The following PNMT variants were observed in gnomAD, a reference collection of about 807,000 sequenced individuals.
The protein encoded by PNMT is phenylethanolamine N-methyltransferase.
Under a neutral mutation model 18.9 loss-of-function variants are expected in PNMT, and 18 were observed. That is an observed-to-expected ratio of 0.95 (90% CI 0.66 to 1.41). The LOEUF is 1.41. Ranked by LOEUF, PNMT falls within the 40% of genes most tolerant of loss-of-function variation. The probability of loss-of-function intolerance (pLI) is 0.00; values close to 1 mark genes in which losing one functional copy is unlikely to be tolerated. For missense variants in PNMT, 378 were observed against 387.0 expected, an observed-to-expected ratio of 0.98 and a Z score of 0.20; for synonymous variants, 167 against 168.6, an observed-to-expected ratio of 0.99 and a Z score of 0.08.
Position 39,668,574 on chromosome 17 carries a change from C to T in PNMT, c.99C>T (p.Arg33=). ...VASAYQRFEP[R]AYLRNNYAPP... is the part of the protein sequence containing the mutation. ...CGGCCTACCAGCGCTTCGAGCCGCG[C>T]GCCTACCTCCGCAACAACTACGCGC... The change falls in exon 1 of 3, where the codon CGC becomes CGT. Residue 33 remains arginine, a synonymous_variant. Coordinates refer to ENST00000269582, the MANE Select transcript of PNMT (RefSeq NM_002686.4). 1.9e-6 allele frequency: 3 copies of T among 1,592,592 alleles called. No individual in the cohort carries two copies. The highest frequency in any genetic ancestry group is 2.6e-6 in the Non-Finnish European group (3 of 1,175,268).
chr17:39,670,031 CCCTGGGTGCTGGGAGCCCAGCT>C lies in PNMT; in HGVS notation c.494_515del (p.Leu165ProfsTer16), dbSNP rs1411147711. On this transcript the variant is annotated frameshift_variant, in exon 3 of 3. Coordinates refer to ENST00000269582, the MANE Select transcript of PNMT (RefSeq NM_002686.4). LOFTEE classifies it high-confidence loss of function. Reference sequence around the variant, plus strand: ...CCCATCGACGTGCACCAGCCCCAGCCCCTGGGTGCTGGGAGCCCAGCTCCCCTGCCTGCTGACGCCCTGGTCT... The same window carrying C: ...CCCATCGACGTGCACCAGCCCCAGCCCCCCTGCCTGCTGACGCCCTGGTCT... 2 of 1,605,840 alleles carry C rather than the reference CCCTGGGTGCTGGGAGCCCAGCT, an allele frequency of 1.2e-6. No homozygotes were observed. Among genetic ancestry groups the C allele is most frequent in the Non-Finnish European group, 1.7e-6 (2 of 1,179,674 alleles).
chr17:39,668,039 A>G, upstream of PNMT: 1 of 161,938 alleles, frequency 6.2e-6, no homozygotes, highest in Non-Finnish European at 1.3e-5. Context: ...TCGAATCAGG[A>G]AAGAGAAGGG....
chr17:39,670,377 G>A lies in PNMT; in HGVS notation c.837G>A (p.Lys279=), dbSNP rs1264594040. ...VKGVFFAWAQ[K]VGL is the part of the protein sequence containing the mutation. ...GCGTCTTCTTCGCCTGGGCTCAGAA[G>A]GTTGGGCTGTGAGGGCTGTACCTGG... Residue 279 remains lysine (K), a synonymous_variant, in exon 3 of 3, where the codon AAG becomes AAA. Coordinates refer to ENST00000269582, the MANE Select transcript of PNMT (RefSeq NM_002686.4). 6.3e-7 allele frequency: 1 copy of A among 1,582,690 alleles called. No homozygotes were observed. Among genetic ancestry groups the A allele is most frequent in the East Asian group, 2.3e-5 (1 of 44,304 alleles).
Position 39,669,954 on chromosome 17 carries a change from A to G in PNMT, c.414A>G (p.Glu138=). Residue 138 remains glutamate, a synonymous_variant, in exon 3 of 3, where the codon GAA becomes GAG. Coordinates refer to ENST00000269582, the MANE Select transcript of PNMT (RefSeq NM_002686.4). The stretch of plus-strand genomic sequence containing the variant: ...CTGCCTTGTGCCTCCTGCACAGGGA[A>G]TGCTGGCAGGATAAGGAGCGCCAGC... ...QHACLIEGKG[E]CWQDKERQLR... 2 of 1,599,582 alleles carry G rather than the reference A, an allele frequency of 1.3e-6. No individual in the cohort carries two copies. Among genetic ancestry groups the G allele is most frequent in the Non-Finnish European group, 1.7e-6 (2 of 1,173,506 alleles).
Position 39,669,689 on chromosome 17 carries a change from T to G in PNMT, c.263T>G (p.Leu88Arg), listed in dbSNP as rs1329470965. 2 of 1,614,056 alleles carry G rather than the reference T, an allele frequency of 1.2e-6. No homozygotes were observed. The highest frequency in any genetic ancestry group is 1.1e-5 in the South Asian group (1 of 91,082). The stretch of plus-strand genomic sequence containing the variant: ...TCAGGCCCCACCGTGTACCAGCTGC[T>G]CAGTGCCTGCAGCCACTTTGAGGAC... ...IGSGPTVYQL[L>R]SACSHFEDIT... Residue 88 changes from leucine (L) to arginine (R), a missense_variant, in exon 2 of 3, where the codon CTC (leucine) becomes CGC (arginine). Coordinates refer to ENST00000269582, the MANE Select transcript of PNMT (RefSeq NM_002686.4).
At position 39,670,061 on chromosome 17, in the gene PNMT, C is replaced by T. The variant is rs2057285814; in HGVS notation, c.521C>T (p.Pro174Leu). 6.2e-7 allele frequency: 1 copy of T among 1,607,774 alleles called. No individual in the cohort carries two copies. Among genetic ancestry groups the T allele is most frequent in the Non-Finnish European group, 8.5e-7 (1 of 1,179,840 alleles). ...GGTGCTGGGAGCCCAGCTCCCCTGCCTGCTGACGCCCTGGTCTCTGCCTTC... is the reference window on the plus strand; with the variant it reads ...GGTGCTGGGAGCCCAGCTCCCCTGCTTGCTGACGCCCTGGTCTCTGCCTTC... ...PLGAGSPAPL[P>L]ADALVSAFCL... The change falls in exon 3 of 3, where the codon CCT becomes CTT. Residue 174 changes from proline (P) to leucine (L), a missense_variant. Transcript: ENST00000269582.
chr17:39,669,764 G>T lies in PNMT; in HGVS notation c.338G>T (p.Trp113Leu). The change falls in exon 2 of 3, where the codon TGG (tryptophan) becomes TTG (leucine). Residue 113 changes from tryptophan to leucine, a missense_variant. Physicochemically the swap from Trp to Leu is moderately conservative, Grantham distance 61. Coordinates refer to ENST00000269582, the MANE Select transcript of PNMT (RefSeq NM_002686.4). ...GTCAACCGCCAGGAGCTGGGGCGCT[G>T]GCTGCAGGAGGAGCCGGGGGCCTTC... ...LEVNRQELGR[W>L]LQEEPGAFNW... The T allele has an allele frequency of 6.2e-7, 1 of 1,614,152 alleles. No homozygotes were observed. The highest frequency in any genetic ancestry group is 8.5e-7 in the Non-Finnish European group (1 of 1,180,002).
At chr17:39,669,428 A>G (rs904471798) in intron 1 of PNMT, among the ~76,000 whole-genome samples, 4 of 152,206 alleles carry the variant, frequency 2.6e-5, no homozygotes, top group Non-Finnish European at 2.9e-5. Context: ...AGAGCGGTGA[A>G]GTTCCCTTCC....
At chr17:39,668,373 C>T, upstream of PNMT, 1 of 975,216 alleles carries the variant, frequency 1.0e-6, no homozygotes, top group Admixed American at 4.3e-5. Flanking sequence ...GGCGGCTCGG[C>T]GGTCAGCTGC....
Position 39,668,584 on chromosome 17 carries a change from C to G in PNMT, c.109C>G (p.Arg37Gly), listed in dbSNP as rs747980015. 1.9e-6 allele frequency: 3 copies of G among 1,599,734 alleles called. No homozygotes were observed. The highest frequency in any genetic ancestry group is 2.5e-6 in the Non-Finnish European group (3 of 1,177,838). ...GCGCTTCGAGCCGCGCGCCTACCTCCGCAACAACTACGCGCCCCCTCGCGG... is the reference window on the plus strand; with the variant it reads ...GCGCTTCGAGCCGCGCGCCTACCTCGGCAACAACTACGCGCCCCCTCGCGG... The part of the protein sequence containing the change: ...YQRFEPRAYL[R>G]NNYAPPRGDL... Residue 37 changes from arginine (R) to glycine (G), a missense_variant, in exon 1 of 3, where the codon CGC becomes GGC. Physicochemically the swap from Arg to Gly is moderately radical, Grantham distance 125. Coordinates refer to ENST00000269582, the MANE Select transcript of PNMT (RefSeq NM_002686.4).
chr17:39,669,982 C>G lies in PNMT; in HGVS notation c.442C>G (p.Arg148Gly), dbSNP rs760633852. The G allele has an allele frequency of 1.9e-6, 3 of 1,601,864 alleles. No homozygotes were observed. Among genetic ancestry groups the G allele is most frequent in the Non-Finnish European group, 2.5e-6 (3 of 1,177,094 alleles). ...CTGGCAGGATAAGGAGCGCCAGCTG[C>G]GAGCCAGGGTGAAACGGGTCCTGCC... ...ECWQDKERQL[R>G]ARVKRVLPID... Residue 148 changes from arginine (R) to glycine (G), a missense_variant, in exon 3 of 3, where the codon CGA becomes GGA. Physicochemically the swap from Arg to Gly is moderately radical, Grantham distance 125 (BLOSUM62 -2). Coordinates refer to ENST00000269582, the MANE Select transcript of PNMT (RefSeq NM_002686.4).
intron 1 of PNMT, 91 bp downstream of exon 1, chr17:39,668,768 AC>A: frequency 9.5e-7 from 1 of 1,050,748 alleles, no homozygotes; most frequent in Non-Finnish European, 1.4e-6. Flanking sequence ...AGGGAGACAG[AC>A]CAGGCGCCTA....
chr17:39,670,167 G>A lies in PNMT; in HGVS notation c.627G>A (p.Gly209=), dbSNP rs1387638201. 1.9e-6 allele frequency: 3 copies of A among 1,612,022 alleles called. No individual in the cohort carries two copies. The highest frequency in any genetic ancestry group is 3.3e-5 in the Admixed American group (2 of 60,002). The part of the protein sequence containing the change: ...DHITTLLRPG[G]HLLLIGALEE... ...TCACCACGCTGCTGAGGCCTGGGGG[G>A]CACCTCCTCCTCATCGGGGCCCTGG... Residue 209 remains glycine (G), a synonymous_variant, in exon 3 of 3, where the codon GGG becomes GGA. Coordinates refer to ENST00000269582, the MANE Select transcript of PNMT (RefSeq NM_002686.4).
rs1295833552 is a variant in PNMT, at chr17:39,669,972, G to A, written c.432G>A (p.Glu144=). 2 of 1,601,344 alleles carry A rather than the reference G, an allele frequency of 1.2e-6. No homozygotes were observed. The highest frequency in any genetic ancestry group is 2.7e-5 in the African/African-American group (2 of 74,782). Residue 144 remains glutamate (E), a synonymous_variant, in exon 3 of 3, where the codon GAG becomes GAA. Transcript: ENST00000269582. The part of the protein sequence containing the change: ...EGKGECWQDK[E]RQLRARVKRV... Reference sequence around the variant, plus strand: ...ACAGGGAATGCTGGCAGGATAAGGAGCGCCAGCTGCGAGCCAGGGTGAAAC... The same window carrying A: ...ACAGGGAATGCTGGCAGGATAAGGAACGCCAGCTGCGAGCCAGGGTGAAAC...
chr17:39,669,745 C>T lies in PNMT; in HGVS notation c.319C>T (p.Arg107Cys), dbSNP rs72554035. The T allele has an allele frequency of 5.3e-3, 8,506 of 1,614,078 alleles. 26 individuals are homozygous for T. Among genetic ancestry groups the T allele is most frequent in the Non-Finnish European group, 6.9e-3 (8,147 of 1,179,988 alleles). ...ITMTDFLEVN[R>C]QELGRWLQEE... ...CATGACAGATTTCCTGGAGGTCAAC[C>T]GCCAGGAGCTGGGGCGCTGGCTGCA... is the stretch of plus-strand genomic sequence containing the variant. Residue 107 changes from arginine to cysteine, a missense_variant, in exon 2 of 3, where the codon CGC becomes TGC. Arg to Cys is a radical substitution (Grantham distance 180, BLOSUM62 -3). Coordinates refer to ENST00000269582, the MANE Select transcript of PNMT (RefSeq NM_002686.4).
chr17:39,668,716 G>A, intron 1 of PNMT, 39 bp downstream of exon 1: 2 of 1,490,260 alleles, frequency 1.3e-6, no homozygotes, highest in Non-Finnish European at 1.8e-6. Context: ...ACAAGAGGTC[G>A]TCGGGGAGTG....
Position 39,670,148 on chromosome 17 carries a change from C to T in PNMT, c.608C>T (p.Thr203Met), listed in dbSNP as rs111272760. Residue 203 changes from threonine to methionine, a missense_variant, in exon 3 of 3, where the codon ACG becomes ATG. Transcript: ENST00000269582. Reference sequence around the variant, plus strand: ...CAGCGGGCCCTGGACCACATCACCACGCTGCTGAGGCCTGGGGGGCACCTC... The same window carrying T: ...CAGCGGGCCCTGGACCACATCACCATGCTGCTGAGGCCTGGGGGGCACCTC... The part of the protein sequence containing the change: ...SFQRALDHIT[T>M]LLRPGGHLLL... 70 of 1,611,800 alleles carry T rather than the reference C, an allele frequency of 4.3e-5. No individual in the cohort carries two copies. The highest frequency in any genetic ancestry group is 1.2e-4 in the Admixed American group (7 of 59,998).
chr17:39,670,095 G>A lies in PNMT; in HGVS notation c.555G>A (p.Glu185=), dbSNP rs2057286252. 6.2e-7 allele frequency: 1 copy of A among 1,609,870 alleles called. No individual in the cohort carries two copies. ...ADALVSAFCL[E]AVSPDLASFQ... ...CCCTGGTCTCTGCCTTCTGCTTGGA[G>A]GCTGTGAGCCCAGATCTTGCCAGCT... Residue 185 remains glutamate (E), a synonymous_variant, in exon 3 of 3, where the codon GAG becomes GAA. Coordinates refer to ENST00000269582, the MANE Select transcript of PNMT (RefSeq NM_002686.4).
In PNMT at chr17:39,670,245, TGAG is replaced by T. The variant is rs2057288201; in HGVS notation, c.713_715del (p.Glu238del). 6.8e-6 allele frequency: 11 copies of T among 1,609,598 alleles called. No individual in the cohort carries two copies. Among genetic ancestry groups the T allele is most frequent in the Middle Eastern group, 1.8e-4 (1 of 5,670 alleles). On this transcript the variant is annotated inframe_deletion, in exon 3 of 3. Coordinates refer to ENST00000269582, the MANE Select transcript of PNMT (RefSeq NM_002686.4). ...CCAGGCTGACGGTGGTGCCAGTGTC[TGAG>T]GAGGAGGTGAGGGAGGCCCTGGTGC... is the stretch of plus-strand genomic sequence containing the variant.
Sources: allele counts gnomAD v4.1 joint callset (sites outside exome capture counted in the v4.1 genomes callset), GRCh38; gene constraint gnomAD v4.1.1; transcripts MANE v1.5; gene names NCBI Gene and HGNC (gene_info 2026-07-23, HGNC 2026-07-21).